APBB3: variants seen among roughly 807,000 people sequenced by gnomAD.
APBB3 encodes the protein amyloid beta precursor protein binding family B member 3, also known as amyloid-beta A4 precursor protein-binding family B member 3.
Under a neutral mutation model 61.5 loss-of-function variants are expected in APBB3, and 50 were observed. The ratio of observed to expected loss-of-function variants is 0.81; its 90% confidence interval spans 0.65 to 1.03. APBB3 has a LOEUF of 1.03. Among genes scored for constraint, APBB3 ranks in the 50% least tolerant of loss-of-function variants. The pLI is 0.00. For synonymous variants in APBB3, 235 were observed against 233.0 expected (o/e 1.01, Z -0.08); for missense variants, 550 against 637.4 (o/e 0.86, Z 1.48).
At position 140,561,511 on chromosome 5, in the gene APBB3, A is replaced by G. The variant is rs1030451126; in HGVS notation, c.748-62T>C. ...AGAGGGGAATTAGGGTAAAAGGGCCAATACCACCCCAACTACCTTGGAAGC... is the reference window on the plus strand; with the variant it reads ...AGAGGGGAATTAGGGTAAAAGGGCCGATACCACCCCAACTACCTTGGAAGC... On this transcript the variant is annotated intron_variant, in intron 8 of 12. Coordinates refer to ENST00000357560, the MANE Select transcript of APBB3 (RefSeq NM_133173.3). The G allele has an allele frequency of 1.9e-6, 3 of 1,613,486 alleles. No homozygotes were observed. In the East Asian group the frequency reaches 6.7e-5, roughly 36 times the overall value.
In APBB3 at chr5:140,564,224, G is replaced by A; in HGVS notation, c.22C>T (p.Leu8=). 6.2e-7 allele frequency: 1 copy of A among 1,613,380 alleles called. No individual in the cohort carries two copies. Among genetic ancestry groups the A allele is most frequent in the Non-Finnish European group, 8.5e-7 (1 of 1,180,020 alleles). The part of the protein sequence containing the change: MLGKDYM[L]AIILVNCDDD... ...TCGCAGTTGACCAGAATGATGGCCA[G>A]CATGTAATCCTTGCCCAGCATAACC... The change falls in exon 1 of 13, where the codon CTG becomes TTG. Residue 8 remains leucine (L), a synonymous_variant. Coordinates refer to ENST00000357560, the MANE Select transcript of APBB3 (RefSeq NM_133173.3). This position sits in a 1 kb window ranked among gnomAD's most constrained non-coding sequence, Gnocchi z 5.0.
In APBB3 at chr5:140,558,776, C is replaced by T. The variant is rs1215534314; in HGVS notation, c.1270G>A (p.Ala424Thr). 1 of 1,610,336 alleles carries T rather than the reference C, an allele frequency of 6.2e-7. No homozygotes were observed. Among genetic ancestry groups the T allele is most frequent in the East Asian group, 2.2e-5 (1 of 44,840 alleles). The change falls in exon 13 of 13, where the codon GCC (alanine) becomes ACC (threonine). Residue 424 changes from alanine (A) to threonine (T), a missense_variant. By Grantham distance (58) the Ala-to-Thr change is moderately conservative (BLOSUM62 0). Around this residue, in one of 3 missense-constraint regions of APBB3, gnomAD observed 138 missense variants for 132.6 expected, o/e 1.04. Coordinates refer to ENST00000357560, the MANE Select transcript of APBB3 (RefSeq NM_133173.3). ...CGGGCACGGGCCTGGGCACCCCAGG[C>T]CTTGCCTCGAGCTGCAGAGGCCACA... is the stretch of plus-strand genomic sequence containing the variant. ...CLVASAARGKAWGAQARARLR... is the reference protein window; with the variant it reads ...CLVASAARGKTWGAQARARLR...
At position 140,561,885 on chromosome 5, in the gene APBB3, C is replaced by G. The variant is rs114068915; in HGVS notation, c.627-36G>C. ...AGCATGTGGGAGCACAGAAGGGAAT[C>G]AGCCCAGCCTCTCGGACTCTCCCCA... On this transcript the variant is annotated intron_variant, in intron 6 of 12. Transcript: ENST00000357560. 1,076 of 1,613,488 alleles carry G rather than the reference C, an allele frequency of 6.7e-4. 11 individuals carry two copies. The African/African-American group carries it at 0.013, about 20-fold the overall frequency.
intron 6 of APBB3, 61 bp from the exon 7 acceptor site, chr5:140,561,910 AAAC>A (rs1754974074): frequency 6.2e-7 from 1 of 1,613,010 alleles, no homozygotes; most frequent in Admixed American, 1.7e-5. Context: ...GACTCTCCCC[AAAC>A]TGTCCCTGCT....
At position 140,562,730 on chromosome 5, in the gene APBB3, C is replaced by G; in HGVS notation, c.291-7G>C. 1 of 1,614,192 alleles carries G rather than the reference C, an allele frequency of 6.2e-7. No individual in the cohort carries two copies. Among genetic ancestry groups the G allele is most frequent in the South Asian group, 1.1e-5 (1 of 91,086 alleles). Reference sequence around the variant, plus strand: ...ATACCAGGACAGAGAGTTACTGAAACAGAGCAGAGCTGTTAAGAGGACCAC... The same window carrying G: ...ATACCAGGACAGAGAGTTACTGAAAGAGAGCAGAGCTGTTAAGAGGACCAC... On this transcript the variant is annotated splice_region_variant and splice_polypyrimidine_tract_variant and intron_variant, in intron 3 of 12. Coordinates refer to ENST00000357560, the MANE Select transcript of APBB3 (RefSeq NM_133173.3).
rs748777523 is a variant in APBB3 at position 140,558,638 on chromosome 5, A to G, written c.1408T>C (p.Phe470Leu). Reference sequence around the variant, plus strand: ...AGCCGGAAGGCATCAAGAAAAGAGAAGACACCCCGCTTTCGAGGGGTTGCC... The same window carrying G: ...AGCCGGAAGGCATCAAGAAAAGAGAGGACACCCCGCTTTCGAGGGGTTGCC... ...AGATPRKRGV[F>L]SFLDAFRLKP... The change falls in exon 13 of 13, where the codon TTC becomes CTC. Residue 470 changes from phenylalanine to leucine, a missense_variant. Around this residue, in one of 3 missense-constraint regions of APBB3, gnomAD observed 138 missense variants for 132.6 expected, o/e 1.04. Coordinates refer to ENST00000357560, the MANE Select transcript of APBB3 (RefSeq NM_133173.3). 3 of 1,614,184 alleles carry G rather than the reference A, an allele frequency of 1.9e-6. No homozygotes were observed. The highest frequency in any genetic ancestry group is 2.2e-5 in the South Asian group (2 of 91,088).
rs1270360220 is a variant in APBB3 at position 140,564,382 on chromosome 5, C to T, written c.-137G>A. ...CAGCTGGCGCCGCACAAATACGGGGCGGGACACGGGGCGGGACACGGGCCG... is the reference window on the plus strand; with the variant it reads ...CAGCTGGCGCCGCACAAATACGGGGTGGGACACGGGGCGGGACACGGGCCG... On this transcript the variant is annotated 5_prime_UTR_variant, in exon 1 of 13. Transcript: ENST00000357560. This position sits in a 1 kb window ranked among gnomAD's most constrained non-coding sequence, Gnocchi z 5.0. 19 of 932,614 alleles carry T rather than the reference C, an allele frequency of 2.0e-5. No individual in the cohort carries two copies. The highest frequency in any genetic ancestry group is 3.3e-5 in the African/African-American group (2 of 61,064). The allele number at this position is 932,614 out of a possible 1,614,324, so 57.8% of individuals were successfully genotyped here. A position where few individuals can be genotyped will look rare whatever the true frequency, so the allele number is the denominator to read the frequency against.
intron 12 of APBB3, 128 bp from the exon 13 acceptor site, chr5:140,558,949 G>T (rs2127126203): frequency 1.2e-6 from 1 of 807,104 alleles, no homozygotes; most frequent in Non-Finnish European, 2.1e-6. Flanking sequence ...CACATGTGGA[G>T]TTTCTAGAGC....
At position 140,564,105 on chromosome 5, in the gene APBB3, T is replaced by A; in HGVS notation, c.49+92A>T. 4.5e-6 allele frequency: 7 copies of A among 1,566,954 alleles called. No homozygotes were observed. In the Admixed American group the frequency reaches 1.2e-4, roughly 27 times the overall value. ...CCCCTGGTCCCTACACAGAGAGGTA[T>A]CCCCCACCGTCTTTGAGCCCCAGAG... On this transcript the variant is annotated intron_variant, in intron 1 of 12. Coordinates refer to ENST00000357560, the MANE Select transcript of APBB3 (RefSeq NM_133173.3). This position sits in a 1 kb window ranked among gnomAD's most constrained non-coding sequence, Gnocchi z 5.0.
At position 140,563,436 on chromosome 5, in the gene APBB3, C is replaced by G. The variant is rs1437588148; in HGVS notation, c.290+158G>C. 4.0e-6 allele frequency: 3 copies of G among 756,864 alleles called. No homozygotes were observed. In the East Asian group the frequency reaches 8.0e-5, roughly 20 times the overall value. 46.9% of individuals were successfully genotyped at this position (756,864 alleles called of 1,614,324 possible). On this transcript the variant is annotated intron_variant, in intron 3 of 12. Coordinates refer to ENST00000357560, the MANE Select transcript of APBB3 (RefSeq NM_133173.3). ...AGAACAAGGGATAAAACTCAAAATA[C>G]TGACAGTTAAGAACCTGGGACAGAG...
chr5:140,564,411 C>T lies in APBB3; in HGVS notation c.-166G>A. The T allele has an allele frequency of 1.2e-6, 1 of 805,562 alleles. No homozygotes were observed. Among genetic ancestry groups the T allele is most frequent in the African/African-American group, 1.7e-5 (1 of 57,928 alleles). 49.9% of individuals were successfully genotyped at this position (805,562 alleles called of 1,614,324 possible). A position where few individuals can be genotyped will look rare whatever the true frequency, so the allele number is the denominator to read the frequency against. On this transcript the variant is annotated 5_prime_UTR_variant, in exon 1 of 13. Transcript: ENST00000357560. This position sits in a 1 kb window ranked among gnomAD's most constrained non-coding sequence, Gnocchi z 5.0. ...ACACGGGGCGGGACACGGGCCGGTC[C>T]CGGGGGAGGGCCTGAGCCGCACAGC...
chr5:140,559,102 T>C (rs529802692), intron 12 of APBB3, among the ~76,000 whole-genome samples: 1 of 152,284 alleles, frequency 6.6e-6, no homozygotes, highest in Admixed American at 6.5e-5. Context: ...GAAATTGAGA[T>C]TCAGAGAGTA....
Position 140,560,784 on chromosome 5 carries a change from G to C in APBB3, c.917-30C>G. The C allele has an allele frequency of 6.3e-7, 1 of 1,599,162 alleles. No individual in the cohort carries two copies. Among genetic ancestry groups the C allele is most frequent in the Non-Finnish European group, 8.6e-7 (1 of 1,166,918 alleles). ...GGGAACATACCCAGCGTGTCTCCCA[G>C]TGTAAAAGAAAGAGTCTGCAGGGAG... On this transcript the variant is annotated intron_variant, in intron 10 of 12. Coordinates refer to ENST00000357560, the MANE Select transcript of APBB3 (RefSeq NM_133173.3). The surrounding 1 kb of genome is among the most constrained non-coding windows in gnomAD (Gnocchi z 5.1).
In APBB3 at chr5:140,561,378, G is replaced by C. The variant is rs760630276; in HGVS notation, c.819C>G (p.Asp273Glu). 1.2e-6 allele frequency: 2 copies of C among 1,614,072 alleles called. No individual in the cohort carries two copies. Among genetic ancestry groups the C allele is most frequent in the Non-Finnish European group, 1.7e-6 (2 of 1,180,042 alleles). The change falls in exon 9 of 13, where the codon GAC becomes GAG. Residue 273 changes from aspartate (D) to glutamate (E), a missense_variant. By Grantham distance (45) the Asp-to-Glu change is conservative. Coordinates refer to ENST00000357560, the MANE Select transcript of APBB3 (RefSeq NM_133173.3). ...CCCTCCCCATACCTTGCCGTGGCAG[G>C]TCTTCAGGAGAGATGGGGTCTGGGG... ...CCSPDPISPE[D>E]LPRQVELLDA...
chr5:140,561,323 A>G (rs139239636), intron 9 of APBB3, 42 bp downstream of exon 9: 276 of 1,606,872 alleles, frequency 1.7e-4, no homozygotes, highest in Non-Finnish European at 2.2e-4. Flanking sequence ...AAGCAGCACC[A>G]AAGCACCCCA....
intron 8 of APBB3, 33 bp downstream of exon 8, chr5:140,561,554 A>G (rs778509307): frequency 6.2e-7 from 1 of 1,613,736 alleles, no homozygotes; most frequent in Non-Finnish European, 8.5e-7. Context: ...CCAACCCCTT[A>G]CCCACATTCC....
rs1755023946 is a variant in APBB3, at chr5:140,562,837, A to T, written c.291-114T>A. ...GGGGCAAGACCCAGAATATAGCACCAGAAATATAAAACCAGAGCAGGGTAG... is the reference window on the plus strand; with the variant it reads ...GGGGCAAGACCCAGAATATAGCACCTGAAATATAAAACCAGAGCAGGGTAG... On this transcript the variant is annotated intron_variant, in intron 3 of 12. Transcript: ENST00000357560. 3 of 958,008 alleles carry T rather than the reference A, an allele frequency of 3.1e-6. No homozygotes were observed. In the Admixed American group the frequency reaches 6.4e-5, roughly 20 times the overall value. 59.3% of individuals were successfully genotyped at this position (958,008 alleles called of 1,614,324 possible).
intron 12 of APBB3, among the ~76,000 whole-genome samples, chr5:140,559,123 C>T (rs1754836705): frequency 6.6e-6 from 1 of 152,090 alleles, no homozygotes; most frequent in Non-Finnish European, 1.5e-5. Context: ...TATGACTTGC[C>T]CAAGGTCACA....
At chr5:140,563,487 A>C in intron 3 of APBB3, 107 bp downstream of exon 3, 1 of 1,345,604 alleles carries the variant, frequency 7.4e-7, no homozygotes. Context: ...AACCCAAAAC[A>C]TGTGACAGAA....
Sources: gnomAD v4.1 joint callset for allele counts (sites outside exome capture counted in the v4.1 genomes callset) on GRCh38, gnomAD v4.1.1 for gene constraint, gnomAD v4.1.1 regional missense constraint, Gnocchi (gnomAD v3.1) non-coding constraint, MANE v1.5 for transcripts, NCBI Gene and HGNC (gene_info 2026-07-23, HGNC 2026-07-21) for gene names.